Variants in PLD5 observed in about 807,000 individuals in gnomAD.
The protein encoded by PLD5 is inactive phospholipase D5.
PLD5 carries 36 observed loss-of-function variants against 61.1 expected under a neutral mutation model. That is an observed-to-expected ratio of 0.59 (90% CI 0.45 to 0.78). The LOEUF is 0.78. Ranked by LOEUF, PLD5 falls within the 30% of genes least tolerant of loss-of-function variation. The pLI is 0.00. For missense variants in PLD5, 515 were observed against 644.4 expected (o/e 0.80, Z 2.17); for synonymous variants, 243 against 242.8 (o/e 1.00, Z -0.01).
chr1:242,342,410 A>G (rs1373753194), intron 2 of PLD5, among the ~76,000 whole-genome samples: 1 of 152,198 alleles, frequency 6.6e-6, no homozygotes, highest in Non-Finnish European at 1.5e-5. Flanking sequence ...CTCAGCTCCA[A>G]TGTCTCTGCT....
intron 1 of PLD5, among the ~76,000 whole-genome samples, chr1:242,471,906 T>C (rs1230936957): frequency 6.6e-6 from 1 of 152,210 alleles, no homozygotes; most frequent in Non-Finnish European, 1.5e-5. Flanking sequence ...TTGAAAGCAA[T>C]TTGCTTTAAT....
At chr1:242,181,490 A>G (rs991169460) in intron 5 of PLD5, among the ~76,000 whole-genome samples, 17 of 152,272 alleles carry the variant, frequency 1.1e-4, no homozygotes, top group Non-Finnish European at 1.5e-4. Flanking sequence ...TTTAACATGC[A>G]GAAGACTTAG....
intron 1 of PLD5, among the ~76,000 whole-genome samples, chr1:242,451,785 G>T (rs921898921): frequency 2.6e-5 from 4 of 151,858 alleles, no homozygotes; most frequent in African/African-American, 9.7e-5. Context: ...GCAACCTACT[G>T]GCTGTAAGGT....
At chr1:242,492,801 T>C (rs1283303912) in intron 1 of PLD5, among the ~76,000 whole-genome samples, 1 of 152,124 alleles carries the variant, frequency 6.6e-6, no homozygotes, top group Non-Finnish European at 1.5e-5. Context: ...CAGACATCTG[T>C]TGTCTCCGTG....
chr1:242,491,544 C>T (rs541795483), intron 1 of PLD5, among the ~76,000 whole-genome samples: 114 of 152,282 alleles, frequency 7.5e-4, no homozygotes, highest in Admixed American at 2.0e-3. Context: ...ATAGTAAACA[C>T]GTATATTATA....
At position 242,256,997 on chromosome 1, in the gene PLD5, CATCT is replaced by C. The variant is rs532317501; in HGVS notation, c.607+8336_607+8339del. On this transcript the variant is annotated intron_variant, in intron 4 of 9. Transcript: ENST00000536534. The surrounding 1 kb of genome is among the most constrained non-coding windows in gnomAD (Gnocchi z 5.7). ...ACCTACCTACCTACCTTCTTTCTAT[CATCT>C]ATCTATCTATCATCTATCTATATCT... Among the ~76,000 whole-genome samples, 257 of 151,312 alleles carry C rather than the reference CATCT, an allele frequency of 1.7e-3. 1 individual carries two copies. The highest frequency in any genetic ancestry group is 2.7e-3 in the African/African-American group (113 of 41,240).
At chr1:242,444,957 A>G (rs1452210005) in intron 1 of PLD5, among the ~76,000 whole-genome samples, 1 of 152,028 alleles carries the variant, frequency 6.6e-6, no homozygotes, top group African/African-American at 2.4e-5. Flanking sequence ...ATGCTCTACT[A>G]TATAGACCCT....
intron 5 of PLD5, among the ~76,000 whole-genome samples, chr1:242,180,310 G>A (rs1667441033): frequency 6.6e-6 from 1 of 151,972 alleles, no homozygotes; most frequent in Non-Finnish European, 1.5e-5. Flanking sequence ...ATACATTGTA[G>A]CTTTTATTAC....
intron 1 of PLD5, among the ~76,000 whole-genome samples, chr1:242,418,741 T>G (rs545413129): frequency 3.7e-4 from 57 of 152,300 alleles, no homozygotes; most frequent in Admixed American, 1.5e-3. Flanking sequence ...TTGAGCATGA[T>G]ACTCTTAAAT....
In PLD5 at chr1:242,256,794, CTATT is replaced by C. The variant is rs781363765; in HGVS notation, c.607+8539_607+8542del. ...TCTATCTATCTATCTATCTATCTAT[CTATT>C]AATATCTATCTTTCTATGTATCTGT... On this transcript the variant is annotated intron_variant, in intron 4 of 9. Transcript: ENST00000536534. This position sits in a 1 kb window ranked among gnomAD's most constrained non-coding sequence, Gnocchi z 5.7. Among the ~76,000 whole-genome samples, 1 of 136,160 alleles carries C rather than the reference CTATT, an allele frequency of 7.3e-6. No individual in the cohort carries two copies. The highest frequency in any genetic ancestry group is 1.6e-5 in the Non-Finnish European group (1 of 63,118). The allele number at this position is 136,160 out of a possible 152,430, so 89.3% of individuals were successfully genotyped here.
intron 5 of PLD5, among the ~76,000 whole-genome samples, chr1:242,152,978 G>A (rs1458798197): frequency 3.3e-5 from 5 of 152,122 alleles, no homozygotes; most frequent in African/African-American, 1.2e-4. Flanking sequence ...CACCAACAGT[G>A]TAAAAGTGTT....
At chr1:242,228,906 G>A (rs940681404) in intron 4 of PLD5, among the ~76,000 whole-genome samples, 1 of 152,158 alleles carries the variant, frequency 6.6e-6, no homozygotes, top group Non-Finnish European at 1.5e-5. Context: ...TAAATTACTT[G>A]TCATTTAAGC....
intron 5 of PLD5, among the ~76,000 whole-genome samples, chr1:242,173,188 T>C (rs933575906): frequency 2.6e-5 from 4 of 152,152 alleles, no homozygotes; most frequent in Non-Finnish European, 5.9e-5. Flanking sequence ...CTTAAGCTGA[T>C]AAGCAACTTC....
intron 9 of PLD5, among the ~76,000 whole-genome samples, chr1:242,091,176 T>A (rs1379439933): frequency 1.3e-5 from 2 of 152,226 alleles, no homozygotes; most frequent in Non-Finnish European, 2.9e-5. Flanking sequence ...GATCTCATTT[T>A]AACTTGACGA....
At chr1:242,267,642 G>A (rs1047183686) in intron 3 of PLD5, among the ~76,000 whole-genome samples, 5 of 151,756 alleles carry the variant, frequency 3.3e-5, no homozygotes, top group Non-Finnish European at 5.9e-5. Flanking sequence ...TGCTTTGGGA[G>A]GCCAAGGTGG....
chr1:242,403,470 T>C (rs1294072636), intron 1 of PLD5, among the ~76,000 whole-genome samples: 1 of 78,956 alleles, frequency 1.3e-5, no homozygotes, highest in Non-Finnish European at 2.4e-5. Context: ...TGGATAGGCT[T>C]TTTTTTTTTT....
chr1:242,310,784 G>T (rs1207028332), intron 2 of PLD5, among the ~76,000 whole-genome samples: 1 of 152,168 alleles, frequency 6.6e-6, no homozygotes, highest in Non-Finnish European at 1.5e-5. Context: ...GAGATTATGA[G>T]ATTAGTTACT....
intron 5 of PLD5, among the ~76,000 whole-genome samples, chr1:242,144,202 C>A (rs1300643544): frequency 2.4e-5 from 3 of 123,522 alleles, no homozygotes; most frequent in Non-Finnish European, 3.6e-5. Context: ...TATTATTAAA[C>A]AAACCAAAAT....
intron 5 of PLD5, among the ~76,000 whole-genome samples, chr1:242,141,792 C>G (rs1436030683): frequency 6.6e-6 from 1 of 152,186 alleles, no homozygotes; most frequent in Non-Finnish European, 1.5e-5. Flanking sequence ...GGTACAGGAG[C>G]AGCCTCCCCT....
Sources: gnomAD v4.1 joint callset for allele counts (sites outside exome capture counted in the v4.1 genomes callset) on GRCh38, gnomAD v4.1.1 for gene constraint, Gnocchi (gnomAD v3.1) non-coding constraint, MANE v1.5 for transcripts, NCBI Gene and HGNC (gene_info 2026-07-23, HGNC 2026-07-21) for gene names.